The following FMO4 variants were observed in gnomAD, a reference collection of about 807,000 sequenced individuals.
The protein encoded by FMO4 is flavin containing dimethylaniline monoxygenase 4.
In FMO4, 38 loss-of-function variants were observed where a neutral mutation model predicts 43.3. That is an observed-to-expected ratio of 0.88 (90% CI 0.68 to 1.15). The LOEUF (loss-of-function observed/expected upper bound fraction) is 1.15. Ranked by LOEUF, FMO4 falls within the 50% of genes most tolerant of loss-of-function variation. The pLI, the probability that FMO4 is intolerant of heterozygous loss-of-function variation, is 0.00. For synonymous variants in FMO4, 224 were observed against 232.2 expected (o/e 0.96, Z 0.32); for missense variants, 631 against 663.3 (o/e 0.95, Z 0.54).
At chr1:171,340,470 G>C (rs1340837483) in intron 9 of FMO4, among the ~76,000 whole-genome samples, 1 of 152,152 alleles carries the variant, frequency 6.6e-6, no homozygotes, top group African/African-American at 2.4e-5. Context: ...AGTCGTCACT[G>C]TCTATTGTCA....
chr1:171,335,289 C>A (rs1663074531), intron 8 of FMO4, among the ~76,000 whole-genome samples: 1 of 152,090 alleles, frequency 6.6e-6, no homozygotes, highest in South Asian at 2.1e-4. Flanking sequence ...TTGCAAGAAC[C>A]CCTCTAAATC....
Position 171,323,069 on chromosome 1 carries a change from G to T in FMO4, c.198G>T (p.Met66Ile), listed in dbSNP as rs1326683417. The T allele has an allele frequency of 5.0e-6, 8 of 1,613,056 alleles. No homozygotes were observed. Among genetic ancestry groups the T allele is most frequent in the Non-Finnish European group, 6.8e-6 (8 of 1,179,156 alleles). Reference protein sequence around the residue: ...KSLVTNVCKEMSCYSDFPFHE... With the variant: ...KSLVTNVCKEISCYSDFPFHE... ...TAGTGACAAATGTCTGTAAGGAAAT[G>T]TCATGTTACAGTGACTTCCCTTTCC... The change falls in exon 4 of 10, where the codon ATG becomes ATT. Residue 66 changes from methionine to isoleucine, a missense_variant. Physicochemically the swap from Met to Ile is conservative, Grantham distance 10 (BLOSUM62 1). Coordinates refer to ENST00000367749, the MANE Select transcript of FMO4 (RefSeq NM_002022.3).
chr1:171,338,627 C>G (rs1017996052), intron 9 of FMO4, among the ~76,000 whole-genome samples: 13 of 152,292 alleles, frequency 8.5e-5, no homozygotes, highest in African/African-American at 2.9e-4. Flanking sequence ...AAGACTCACT[C>G]TGTTCAAATG....
chr1:171,325,928 G>A (rs1385842117), intron 5 of FMO4, among the ~76,000 whole-genome samples: 2 of 132,320 alleles, frequency 1.5e-5, no homozygotes, highest in African/African-American at 2.8e-5. Flanking sequence ...GCTCACTGCA[G>A]CCTCAACCTC....
At chr1:171,323,244 G>A in intron 4 of FMO4, 52 bp downstream of exon 4, 1 of 1,172,262 alleles carries the variant, frequency 8.5e-7, no homozygotes, top group Non-Finnish European at 1.2e-6. Context: ...GGCCTATTCA[G>A]CAATCTAATG....
chr1:171,331,815 C>A, intron 6 of FMO4, 33 bp downstream of exon 6: 2 of 1,603,164 alleles, frequency 1.2e-6, no homozygotes, highest in African/African-American at 1.3e-5. Context: ...CCCCTAATCC[C>A]ATCATCAGTT....
chr1:171,324,277 AT>A lies in FMO4; in HGVS notation c.464del (p.Leu155TyrfsTer35), dbSNP rs1156520242. ...TGCACTGGACATTTCCTGAATCCCC[AT>A]TTACCTTTGGAAGCCTTTCCTGGTG... Reference protein sequence around the residue: ...MVCTGHFLNPHLPLEAFPGIH... With the variant: ...MVCTGHFLNPXLPLEAFPGIH... On this transcript the variant is annotated frameshift_variant, in exon 5 of 10. Transcript: ENST00000367749. LOFTEE classifies it high-confidence loss of function. 6.2e-6 allele frequency: 10 copies of A among 1,610,202 alleles called. No individual in the cohort carries two copies. In the East Asian group the frequency reaches 2.2e-4, roughly 36 times the overall value.
intron 5 of FMO4, among the ~76,000 whole-genome samples, chr1:171,328,817 G>C (rs368803309): frequency 4.6e-5 from 7 of 152,222 alleles, no homozygotes; most frequent in African/African-American, 1.7e-4. Flanking sequence ...CTGCAGACTT[G>C]ATCTGTGGGG....
intron 9 of FMO4, among the ~76,000 whole-genome samples, chr1:171,338,203 A>G (rs1380785809): frequency 2.0e-5 from 3 of 152,056 alleles, no homozygotes; most frequent in African/African-American, 7.2e-5. Flanking sequence ...TACCTACCAA[A>G]TAAATCCAGA....
Position 171,324,003 on chromosome 1 carries a change from A to T in FMO4, c.322-135A>T, listed in dbSNP as rs562089571. 1.7e-5 allele frequency: 12 copies of T among 714,004 alleles called. No individual in the cohort carries two copies. The East Asian group carries it at 2.5e-4, about 15-fold the overall frequency. The allele number at this position is 714,004 out of a possible 1,614,324, so 44.2% of individuals were successfully genotyped here. ...TAAGTTACTTAACTTCTCTAGGAAGATGATAAATCAATATTAATAGACCTC... is the reference window on the plus strand; with the variant it reads ...TAAGTTACTTAACTTCTCTAGGAAGTTGATAAATCAATATTAATAGACCTC... On this transcript the variant is annotated intron_variant, in intron 4 of 9. Transcript: ENST00000367749.
chr1:171,324,847 C>T (rs987276007), intron 5 of FMO4, among the ~76,000 whole-genome samples: 1 of 152,148 alleles, frequency 6.6e-6, no homozygotes, highest in Non-Finnish European at 1.5e-5. Flanking sequence ...TTTGGCTGGG[C>T]ATAGCGGTTC....
intron 8 of FMO4, among the ~76,000 whole-genome samples, chr1:171,335,913 T>C (rs1663096335): frequency 6.6e-6 from 1 of 152,218 alleles, no homozygotes; most frequent in Non-Finnish European, 1.5e-5. Flanking sequence ...AATTAACTAC[T>C]GGTTTTAAAA....
chr1:171,326,637 G>A (rs148897077), intron 5 of FMO4, among the ~76,000 whole-genome samples: 103 of 152,344 alleles, frequency 6.8e-4, no homozygotes, highest in Admixed American at 1.8e-3. Flanking sequence ...GTCATTGGCT[G>A]TACATTGTTT....
At chr1:171,324,382 C>A in intron 5 of FMO4, 82 bp downstream of exon 5, 3 of 1,093,524 alleles carry the variant, frequency 2.7e-6, no homozygotes, top group Non-Finnish European at 2.6e-6. Flanking sequence ...TTGGAAATAC[C>A]GCCCCATGAT....
At chr1:171,319,991 C>T in intron 3 of FMO4, 34 bp downstream of exon 3, 7 of 1,610,770 alleles carry the variant, frequency 4.3e-6, no homozygotes, top group Non-Finnish European at 5.9e-6. Flanking sequence ...CATGATCTGG[C>T]CATTTGCTTT....
At position 171,337,773 on chromosome 1, in the gene FMO4, C is replaced by G. The variant is rs143010396; in HGVS notation, c.1250+348C>G. Among the ~76,000 whole-genome samples, 43 of 152,272 alleles carry G rather than the reference C, an allele frequency of 2.8e-4. No individual in the cohort carries two copies. The East Asian group carries it at 7.9e-3, about 28-fold the overall frequency. ...TTGCTGGTATCGCCTCTTCCTCACT[C>G]CCAAAATTTAGTGAGCTCCAAACTT... On this transcript the variant is annotated intron_variant, in intron 9 of 9. Transcript: ENST00000367749.
intron 5 of FMO4, among the ~76,000 whole-genome samples, chr1:171,328,332 C>T (rs966864060): frequency 7.9e-5 from 12 of 152,196 alleles, no homozygotes; most frequent in Admixed American, 2.6e-4. Flanking sequence ...TGTGAGCCAC[C>T]GCACCCAGCC....
chr1:171,334,385 G>A (rs777441083), intron 7 of FMO4, 26 bp from the exon 8 acceptor site: 1 of 1,385,700 alleles, frequency 7.2e-7, no homozygotes, highest in South Asian at 1.4e-5. Context: ...TAACTACAGT[G>A]AATAATTTTC....
At chr1:171,340,033 C>T (rs1461607197) in intron 9 of FMO4, among the ~76,000 whole-genome samples, 1 of 152,140 alleles carries the variant, frequency 6.6e-6, no homozygotes, top group Non-Finnish European at 1.5e-5. Context: ...AACTGAGCCT[C>T]GCTTGCCCTC....
Sources: allele counts gnomAD v4.1 joint callset (sites outside exome capture counted in the v4.1 genomes callset), GRCh38; gene constraint gnomAD v4.1.1; transcripts MANE v1.5; gene names NCBI Gene and HGNC (gene_info 2026-07-23, HGNC 2026-07-21).